The following SPIN1 variants were observed in gnomAD, a reference collection of about 807,000 sequenced individuals.
SPIN1 encodes the protein spindlin-1.
A neutral mutation model predicts 26.0 loss-of-function variants in SPIN1; 3 were observed. The ratio of observed to expected loss-of-function variants is 0.12; its 90% CI spans 0.05 to 0.30. The LOEUF (loss-of-function observed/expected upper bound fraction) is 0.30. Ranked by LOEUF, SPIN1 falls within the 10% of genes least tolerant of loss-of-function variation. The pLI, the probability that SPIN1 is intolerant of heterozygous loss-of-function variation, is 1.00. For missense variants in SPIN1, 126 were observed against 333.4 expected, an observed-to-expected ratio of 0.38 and a Z score of 4.84; for synonymous variants, 101 against 116.5, an observed-to-expected ratio of 0.87 and a Z score of 0.86.
intron 5 of SPIN1, among the ~76,000 whole-genome samples, chr9:88,474,062 T>C (rs546463242): frequency 1.3e-5 from 2 of 152,324 alleles, no homozygotes; most frequent in South Asian, 4.1e-4. Context: ...GGCAGACTAC[T>C]ATTAATACAT....
chr9:88,423,362 T>G (rs1827707029), intron 1 of SPIN1, among the ~76,000 whole-genome samples: 1 of 152,154 alleles, frequency 6.6e-6, no homozygotes, highest in African/African-American at 2.4e-5. Context: ...ATTCTGTAAA[T>G]AGCACAGAAA....
intron 5 of SPIN1, among the ~76,000 whole-genome samples, chr9:88,474,304 T>G (rs1303633731): frequency 6.6e-6 from 1 of 152,198 alleles, no homozygotes; most frequent in East Asian, 1.9e-4. Flanking sequence ...TCTTTTACTT[T>G]GTTTTTTTGT....
chr9:88,423,434 T>G (rs1827708767), intron 1 of SPIN1, among the ~76,000 whole-genome samples: 2 of 151,638 alleles, frequency 1.3e-5, no homozygotes, highest in African/African-American at 2.4e-5. Flanking sequence ...TTTGTGGGTT[T>G]TTTGTTTGTT....
chr9:88,416,937 C>A (rs1827578309), intron 1 of SPIN1, among the ~76,000 whole-genome samples: 1 of 152,178 alleles, frequency 6.6e-6, no homozygotes, highest in African/African-American at 2.4e-5. Flanking sequence ...ATGAAATTTT[C>A]TACACATAGA....
At chr9:88,431,294 T>A (rs1474246465) in intron 2 of SPIN1, among the ~76,000 whole-genome samples, 9 of 151,842 alleles carry the variant, frequency 5.9e-5, no homozygotes, top group Non-Finnish European at 1.0e-4. Flanking sequence ...CTCTCTCTTT[T>A]TTTTTTTTTG....
intron 3 of SPIN1, among the ~76,000 whole-genome samples, chr9:88,456,571 A>G (rs528968411): frequency 6.6e-6 from 1 of 152,340 alleles, no homozygotes; most frequent in Non-Finnish European, 1.5e-5. Flanking sequence ...ATTTAAAGAT[A>G]CCTGTCACTT....
Position 88,433,354 on chromosome 9 carries a change from A to C in SPIN1, c.52+6763A>C, listed in dbSNP as rs74538372. Among the ~76,000 whole-genome samples, 1,248 of 152,286 alleles carry C rather than the reference A, an allele frequency of 8.2e-3. 10 individuals carry two copies. The highest frequency in any genetic ancestry group is 0.017 in the Middle Eastern group (5 of 294). On this transcript the variant is annotated intron_variant, in intron 2 of 5. Transcript: ENST00000375859. ...GGCCTTGGTCTCCCTAAGTGCTGGG[A>C]CTACAGTCATGCACCAGTGTACCTG... is the stretch of plus-strand genomic sequence containing the variant.
chr9:88,443,183 C>T (rs1828176392), intron 2 of SPIN1, among the ~76,000 whole-genome samples: 2 of 151,144 alleles, frequency 1.3e-5, no homozygotes, highest in South Asian at 4.2e-4. Flanking sequence ...TCCTTTCTTC[C>T]TTTACCTACT....
intron 5 of SPIN1, among the ~76,000 whole-genome samples, chr9:88,473,662 C>T (rs565317951): frequency 2.1e-5 from 2 of 95,692 alleles, no homozygotes; most frequent in Admixed American, 9.3e-5. Flanking sequence ...TGTGTGTGTG[C>T]ACGCGCTATG....
At position 88,395,618 on chromosome 9, in the gene SPIN1, T is replaced by C. The variant is rs563787470; in HGVS notation, c.-159+7080T>C. Among the ~76,000 whole-genome samples the C allele has an allele frequency of 9.9e-5, 15 of 152,236 alleles. 1 individual carries two copies. The highest frequency in any genetic ancestry group is 5.9e-4 in the Admixed American group (9 of 15,232). Reference sequence around the variant, plus strand: ...ATGTTACATTTTCTTTTTAAAACTTTTTAATTTTTTGTAGAGATGAGGTCT... The same window carrying C: ...ATGTTACATTTTCTTTTTAAAACTTCTTAATTTTTTGTAGAGATGAGGTCT... On this transcript the variant is annotated intron_variant, in intron 1 of 5. Transcript: ENST00000375859.
intron 2 of SPIN1, among the ~76,000 whole-genome samples, chr9:88,429,067 G>A (rs116108349): frequency 5.2e-4 from 79 of 152,222 alleles, no homozygotes; most frequent in African/African-American, 1.8e-3. Flanking sequence ...GGGTTTCGCA[G>A]TGTTGCCCAG....
At chr9:88,427,070 T>A (rs1020660370) in intron 2 of SPIN1, among the ~76,000 whole-genome samples, 1 of 152,210 alleles carries the variant, frequency 6.6e-6, no homozygotes, top group African/African-American at 2.4e-5. Flanking sequence ...GAATAGAAGT[T>A]AGTCTTTGCC....
At chr9:88,411,852 T>A (rs1827452863) in intron 1 of SPIN1, among the ~76,000 whole-genome samples, 1 of 151,940 alleles carries the variant, frequency 6.6e-6, no homozygotes, top group African/African-American at 2.4e-5. Flanking sequence ...TTCAGTTATA[T>A]ACAGAAGTCA....
chr9:88,408,767 G>A (rs1827367438), intron 1 of SPIN1, among the ~76,000 whole-genome samples: 1 of 148,822 alleles, frequency 6.7e-6, no homozygotes, highest in African/African-American at 2.5e-5. Context: ...TCTGCCTCCC[G>A]GGTTCAAGCG....
At chr9:88,416,005 C>T (rs930719138) in intron 1 of SPIN1, among the ~76,000 whole-genome samples, 1 of 151,726 alleles carries the variant, frequency 6.6e-6, no homozygotes, top group Non-Finnish European at 1.5e-5. Flanking sequence ...ATCTGCCCGC[C>T]TTGGCCTTCC....
At chr9:88,430,433 G>T (rs1294188763) in intron 2 of SPIN1, among the ~76,000 whole-genome samples, 1 of 152,172 alleles carries the variant, frequency 6.6e-6, no homozygotes, top group Admixed American at 6.5e-5. Context: ...ATTCATTGAG[G>T]CAGTCACAGA....
intron 1 of SPIN1, among the ~76,000 whole-genome samples, chr9:88,408,855 G>A (rs534473175): frequency 1.3e-5 from 2 of 149,922 alleles, no homozygotes; most frequent in African/African-American, 4.9e-5. Flanking sequence ...TAGTAGAGAC[G>A]GGGTTTCACC....
intron 1 of SPIN1, among the ~76,000 whole-genome samples, chr9:88,394,057 C>T (rs1462174859): frequency 2.0e-5 from 3 of 152,064 alleles, no homozygotes; most frequent in Non-Finnish European, 4.4e-5. Flanking sequence ...CCTTGTTGGT[C>T]CAGCTGGTCT....
chr9:88,448,353 TG>T (rs1828292805), intron 2 of SPIN1, among the ~76,000 whole-genome samples: 1 of 151,680 alleles, frequency 6.6e-6, no homozygotes, highest in Non-Finnish European at 1.5e-5. Flanking sequence ...TAAGTTTTTT[TG>T]TTTTTTTTGT....
Sources: gnomAD v4.1 joint callset for allele counts (sites outside exome capture counted in the v4.1 genomes callset) on GRCh38, gnomAD v4.1.1 for gene constraint, MANE v1.5 for transcripts, NCBI Gene and HGNC (gene_info 2026-07-23, HGNC 2026-07-21) for gene names.